Variants in NECAB1 observed in about 807,000 individuals in gnomAD.
NECAB1 encodes the protein N-terminal EF-hand calcium-binding protein 1.
A neutral mutation model predicts 57.5 loss-of-function variants in NECAB1; 29 were observed. The ratio of observed to expected loss-of-function variants is 0.50; its 90% CI spans 0.38 to 0.69. The LOEUF (loss-of-function observed/expected upper bound fraction) is 0.69, where lower values mean the gene tolerates loss of function less well. Ranked by LOEUF, NECAB1 falls within the 30% of genes least tolerant of loss-of-function variation. NECAB1 has a pLI of 0.00. For synonymous variants in NECAB1, 142 were observed against 147.7 expected (o/e 0.96, Z 0.28); for missense variants, 372 against 413.8 (o/e 0.90, Z 0.88).
chr8:90,829,864 T>G (rs1463314762), intron 3 of NECAB1, among the ~76,000 whole-genome samples: 1 of 152,052 alleles, frequency 6.6e-6, no homozygotes, highest in African/African-American at 2.4e-5. Flanking sequence ...ATATGAATAT[T>G]TTATGACAAG....
At chr8:90,914,116 T>C (rs1285866691) in intron 5 of NECAB1, among the ~76,000 whole-genome samples, 1 of 152,084 alleles carries the variant, frequency 6.6e-6, no homozygotes, top group African/African-American at 2.4e-5. Context: ...TCTTAAGCAT[T>C]TATGGGGCAG....
chr8:90,815,377 G>A (rs1812041928), intron 2 of NECAB1, among the ~76,000 whole-genome samples: 1 of 151,966 alleles, frequency 6.6e-6, no homozygotes, highest in Non-Finnish European at 1.5e-5. Context: ...TCTATCCTGA[G>A]ATTCCCTGAA....
At chr8:90,953,166 C>G (rs1810954289) in intron 12 of NECAB1, among the ~76,000 whole-genome samples, 1 of 152,016 alleles carries the variant, frequency 6.6e-6, no homozygotes, top group Non-Finnish European at 1.5e-5. Flanking sequence ...CTTTCCAGGA[C>G]AGAAACAACC....
intron 5 of NECAB1, among the ~76,000 whole-genome samples, chr8:90,909,489 T>C (rs1369114803): frequency 1.3e-5 from 2 of 152,118 alleles, no homozygotes; most frequent in Non-Finnish European, 2.9e-5. Flanking sequence ...GAGGAAGGGC[T>C]CACAAGAACA....
At chr8:90,836,523 G>C (rs992067655) in intron 3 of NECAB1, among the ~76,000 whole-genome samples, 1 of 152,150 alleles carries the variant, frequency 6.6e-6, no homozygotes, top group South Asian at 2.1e-4. Flanking sequence ...ATCTACCTGT[G>C]GTGGGCCATA....
In NECAB1 at chr8:90,955,618, G is replaced by T; in HGVS notation, c.*106G>T. 1 of 829,448 alleles carries T rather than the reference G, an allele frequency of 1.2e-6. No homozygotes were observed. Among genetic ancestry groups the T allele is most frequent in the Non-Finnish European group, 1.8e-6 (1 of 543,406 alleles). 51.4% of individuals were successfully genotyped at this position (829,448 alleles called of 1,614,324 possible). ...GGTTGTTAATCTACTGTATATTTTT[G>T]TTTGGTATATTTACTAAGTGCACTC... On this transcript the variant is annotated 3_prime_UTR_variant, in exon 13 of 13. Coordinates refer to ENST00000417640, the MANE Select transcript of NECAB1 (RefSeq NM_022351.5).
At chr8:90,942,240 A>G (rs1178284523) in intron 10 of NECAB1, among the ~76,000 whole-genome samples, 1 of 152,180 alleles carries the variant, frequency 6.6e-6, no homozygotes, top group Non-Finnish European at 1.5e-5. Flanking sequence ...GAGACAGTCC[A>G]TATGCAGTGC....
At chr8:90,808,118 T>G (rs539585084) in intron 2 of NECAB1, among the ~76,000 whole-genome samples, 9 of 152,294 alleles carry the variant, frequency 5.9e-5, no homozygotes, top group Admixed American at 5.9e-4. Context: ...ATAGCTGGGT[T>G]TATCAGCTGC....
intron 8 of NECAB1, 97 bp from the exon 9 acceptor site, chr8:90,934,207 C>A: frequency 3.6e-6 from 3 of 828,292 alleles, no homozygotes; most frequent in South Asian, 3.8e-5. Flanking sequence ...TCTTTTGGTT[C>A]AATGTTAGCC....
intron 5 of NECAB1, among the ~76,000 whole-genome samples, chr8:90,901,763 T>C (rs890846900): frequency 1.3e-5 from 2 of 152,188 alleles, no homozygotes; most frequent in African/African-American, 4.8e-5. Context: ...TGTCATTAAT[T>C]GAATAGTATC....
chr8:90,949,161 T>C (rs1810874878), intron 10 of NECAB1, among the ~76,000 whole-genome samples: 1 of 147,340 alleles, frequency 6.8e-6, no homozygotes, highest in South Asian at 2.1e-4. Flanking sequence ...TGTGTGTGTG[T>C]GTGTGTGTGT....
At chr8:90,885,774 A>G (rs942130250) in intron 5 of NECAB1, among the ~76,000 whole-genome samples, 1 of 152,206 alleles carries the variant, frequency 6.6e-6, no homozygotes, top group African/African-American at 2.4e-5. Context: ...TCATGACACA[A>G]AACATTTCTG....
intron 3 of NECAB1, among the ~76,000 whole-genome samples, chr8:90,845,319 C>G (rs944393731): frequency 5.3e-5 from 8 of 152,168 alleles, no homozygotes; most frequent in African/African-American, 1.7e-4. Flanking sequence ...TCTAAGATAA[C>G]AGCAGCCTAC....
At chr8:90,928,143 A>G in intron 7 of NECAB1, 80 bp from the exon 8 acceptor site, 1 of 1,071,816 alleles carries the variant, frequency 9.3e-7, no homozygotes, top group Non-Finnish European at 1.4e-6. Context: ...TCAGGGTTGA[A>G]GGAAAGCTCT....
chr8:90,835,359 C>T (rs1243883184), intron 3 of NECAB1, among the ~76,000 whole-genome samples: 2 of 152,048 alleles, frequency 1.3e-5, no homozygotes, highest in Admixed American at 6.6e-5. Context: ...CCATAAAAAG[C>T]AGTATTGCTA....
At chr8:90,856,917 C>A (rs891607357) in intron 3 of NECAB1, among the ~76,000 whole-genome samples, 1 of 152,134 alleles carries the variant, frequency 6.6e-6, no homozygotes, top group African/African-American at 2.4e-5. Context: ...GAACAAAAGA[C>A]TTAATGAAAC....
intron 5 of NECAB1, among the ~76,000 whole-genome samples, chr8:90,886,852 A>G (rs1322042270): frequency 1.3e-5 from 2 of 152,148 alleles, no homozygotes; most frequent in Admixed American, 1.3e-4. Context: ...CTTCCCATGC[A>G]GGCACAAATA....
In NECAB1 at chr8:90,956,520, G is replaced by A. The variant is rs990847480; in HGVS notation, c.*1008G>A. 1 of 151,636 alleles carries A rather than the reference G, an allele frequency of 6.6e-6. No homozygotes were observed. Among genetic ancestry groups the A allele is most frequent in the African/African-American group, 2.4e-5 (1 of 41,334 alleles). 9.4% of individuals were successfully genotyped at this position (151,636 alleles called of 1,614,324 possible). On this transcript the variant is annotated 3_prime_UTR_variant, in exon 13 of 13. Transcript: ENST00000417640. ...CTATCTACCTATAGAACTATCTGTA[G>A]ATAGTATACTATCTACACTCTGCTC...
intron 3 of NECAB1, among the ~76,000 whole-genome samples, chr8:90,844,763 T>G (rs1376538655): frequency 1.4e-5 from 2 of 147,924 alleles, no homozygotes; most frequent in African/African-American, 5.1e-5. Flanking sequence ...ATGAAAAGGC[T>G]TGACTTAGTT....
Sources: gnomAD v4.1 joint callset for allele counts (sites outside exome capture counted in the v4.1 genomes callset) on GRCh38, gnomAD v4.1.1 for gene constraint, MANE v1.5 for transcripts, NCBI Gene and HGNC (gene_info 2026-07-23, HGNC 2026-07-21) for gene names.